ADAMTSL1: variants seen among roughly 807,000 people sequenced by gnomAD.
ADAMTSL1 encodes ADAMTS like 1.
ADAMTSL1 carries 126 observed loss-of-function variants against 201.8 expected under a neutral mutation model. The ratio of observed to expected loss-of-function variants is 0.62; its 90% CI spans 0.54 to 0.72. ADAMTSL1 has a LOEUF of 0.72. Among genes scored for constraint, ADAMTSL1 ranks in the 30% least tolerant of loss-of-function variants. The pLI, the probability that ADAMTSL1 is intolerant of heterozygous loss-of-function variation, is 0.00. For missense variants in ADAMTSL1, 2,679 were observed against 2,277.8 expected, an observed-to-expected ratio of 1.18 and a Z score of -3.59; for synonymous variants, 1,121 against 903.4, an observed-to-expected ratio of 1.24 and a Z score of -4.32.
intron 1 of ADAMTSL1, among the ~76,000 whole-genome samples, chr9:18,022,316 C>T (rs746647889): frequency 2.0e-5 from 3 of 152,154 alleles, no homozygotes; most frequent in Admixed American, 6.5e-5. Context: ...AGCACTCTGG[C>T]CCCAGCAGGA....
chr9:18,140,578 C>A (rs1056470160), intron 1 of ADAMTSL1, among the ~76,000 whole-genome samples: 2 of 152,280 alleles, frequency 1.3e-5, no homozygotes, highest in South Asian at 4.1e-4. Context: ...GGTGTCCTCT[C>A]CCTAGCACAT....
At chr9:18,266,312 C>A (rs930971271) in intron 2 of ADAMTSL1, among the ~76,000 whole-genome samples, 1 of 152,208 alleles carries the variant, frequency 6.6e-6, no homozygotes, top group Non-Finnish European at 1.5e-5. Flanking sequence ...GAGACTATCA[C>A]CTCCTGAAGT....
At chr9:18,461,334 T>A (rs1303615095) in intron 2 of ADAMTSL1, among the ~76,000 whole-genome samples, 1 of 152,200 alleles carries the variant, frequency 6.6e-6, no homozygotes, top group African/African-American at 2.4e-5. Flanking sequence ...TTTATCATTA[T>A]GATTATTTTT....
intron 14 of ADAMTSL1, chr9:18,717,880 T>C: frequency 2.3e-6 from 2 of 852,954 alleles, no homozygotes; most frequent in Non-Finnish European, 4.0e-6. Context: ...CCATTTAAGA[T>C]GCTGGTAGGT....
chr9:18,701,835 CAT>C (rs1045633403), intron 13 of ADAMTSL1, among the ~76,000 whole-genome samples: 98 of 152,094 alleles, frequency 6.4e-4, no homozygotes, highest in African/African-American at 2.1e-3. Context: ...TTAAAACAAA[CAT>C]ATATGAGAAA....
chr9:18,803,536 T>C (rs1822927877), intron 20 of ADAMTSL1, among the ~76,000 whole-genome samples: 1 of 152,214 alleles, frequency 6.6e-6, no homozygotes, highest in Non-Finnish European at 1.5e-5. Flanking sequence ...ATAAACATCT[T>C]GGAAGGTCAT....
At chr9:18,463,423 T>G (rs1398430485) in intron 2 of ADAMTSL1, among the ~76,000 whole-genome samples, 3 of 152,198 alleles carry the variant, frequency 2.0e-5, no homozygotes, top group Admixed American at 1.3e-4. Flanking sequence ...CCATTTTAGG[T>G]GTATAGTACT....
intron 2 of ADAMTSL1, among the ~76,000 whole-genome samples, chr9:18,523,060 G>C (rs568886756): frequency 6.6e-6 from 1 of 152,158 alleles, no homozygotes; most frequent in Non-Finnish European, 1.5e-5. Flanking sequence ...CCCACCAATA[G>C]TGTAAAAGTG....
intron 23 of ADAMTSL1, among the ~76,000 whole-genome samples, chr9:18,852,519 TTC>T (rs1826560780): frequency 6.6e-6 from 1 of 152,240 alleles, no homozygotes; most frequent in South Asian, 2.1e-4. Flanking sequence ...TAAACCTATC[TTC>T]TCATTAACTT....
chr9:18,316,277 C>G (rs186451601), intron 2 of ADAMTSL1, among the ~76,000 whole-genome samples: 64 of 152,186 alleles, frequency 4.2e-4, no homozygotes, highest in African/African-American at 1.5e-3. Context: ...CTGATAACAT[C>G]TTATCAGGAG....
intron 2 of ADAMTSL1, among the ~76,000 whole-genome samples, chr9:18,247,202 T>C (rs1002187361): frequency 6.6e-6 from 1 of 152,200 alleles, no homozygotes; most frequent in Non-Finnish European, 1.5e-5. Context: ...TATTATCCCA[T>C]GTCCTAATAT....
At chr9:18,529,190 T>C (rs149061238) in intron 2 of ADAMTSL1, among the ~76,000 whole-genome samples, 154 of 152,310 alleles carry the variant, frequency 1.0e-3, no homozygotes, top group Non-Finnish European at 1.9e-3. Flanking sequence ...TTCTTTCACA[T>C]TGCATTTTAC....
At chr9:18,426,545 C>A (rs953430670) in intron 2 of ADAMTSL1, among the ~76,000 whole-genome samples, 2 of 152,134 alleles carry the variant, frequency 1.3e-5, no homozygotes, top group African/African-American at 4.8e-5. Flanking sequence ...TGGTTGATTT[C>A]TTACTATAGT....
chr9:18,637,879 T>C (rs866498731), intron 6 of ADAMTSL1, among the ~76,000 whole-genome samples: 3 of 152,118 alleles, frequency 2.0e-5, no homozygotes, highest in Non-Finnish European at 4.4e-5. Context: ...TGTAAGCCTC[T>C]TGATAAAATG....
At chr9:18,572,905 GAC>G (rs1194601661) in intron 3 of ADAMTSL1, among the ~76,000 whole-genome samples, 1 of 152,138 alleles carries the variant, frequency 6.6e-6, no homozygotes, top group African/African-American at 2.4e-5. Flanking sequence ...GAGAGTCGAC[GAC>G]AGTCTTCCAT....
intron 2 of ADAMTSL1, among the ~76,000 whole-genome samples, chr9:18,230,716 C>CA (rs1385999018): frequency 6.6e-6 from 1 of 152,076 alleles, no homozygotes; most frequent in Non-Finnish European, 1.5e-5. Context: ...AACATACATG[C>CA]ATTACTTTTT....
intron 2 of ADAMTSL1, among the ~76,000 whole-genome samples, chr9:18,251,335 T>C (rs538287616): frequency 6.6e-6 from 1 of 152,084 alleles, no homozygotes; most frequent in African/African-American, 2.4e-5. Context: ...CTGAAGACGG[T>C]GTTGAGTTTC....
intron 1 of ADAMTSL1, among the ~76,000 whole-genome samples, chr9:18,160,693 T>G (rs1161186771): frequency 6.6e-6 from 1 of 151,600 alleles, no homozygotes; most frequent in East Asian, 1.9e-4. Context: ...ATTAATTAAT[T>G]TTTTTGAGAA....
chr9:18,673,278 A>G (rs562978047), intron 9 of ADAMTSL1, among the ~76,000 whole-genome samples: 1 of 152,228 alleles, frequency 6.6e-6, no homozygotes, highest in Non-Finnish European at 1.5e-5. Context: ...ACTTCAGGCA[A>G]GCTTGCTTTC....
Sources: gnomAD v4.1 joint callset for allele counts (sites outside exome capture counted in the v4.1 genomes callset) on GRCh38, gnomAD v4.1.1 for gene constraint, MANE v1.5 for transcripts, NCBI Gene and HGNC (gene_info 2026-07-23, HGNC 2026-07-21) for gene names.